Variants in EPHB1 observed in about 807,000 individuals in gnomAD.
EPHB1 encodes ephrin type-B receptor 1.
In EPHB1, 30 loss-of-function variants were observed where a neutral mutation model predicts 94.4. That is an observed-to-expected ratio of 0.32 (90% CI 0.24 to 0.43). The LOEUF is 0.43. EPHB1 is among the 20% of genes least tolerant of loss of function. EPHB1 has a pLI of 1.00. For synonymous variants in EPHB1, 522 were observed against 489.1 expected, an observed-to-expected ratio of 1.07 and a Z score of -0.89; for missense variants, 1,055 against 1,308.3, an observed-to-expected ratio of 0.81 and a Z score of 2.99.
At chr3:134,870,133 T>G (rs532195864) in intron 1 of EPHB1, among the ~76,000 whole-genome samples, 28 of 152,262 alleles carry the variant, frequency 1.8e-4, no homozygotes, top group Admixed American at 5.9e-4. Context: ...TTGCAGTGGT[T>G]GTTGAGAGAG....
At chr3:134,976,654 A>C (rs1934204078) in intron 3 of EPHB1, among the ~76,000 whole-genome samples, 1 of 152,096 alleles carries the variant, frequency 6.6e-6, no homozygotes, top group South Asian at 2.1e-4. Flanking sequence ...CATGGCCCAA[A>C]CATTTCTTCT....
chr3:135,040,028 A>G (rs1936784516), intron 3 of EPHB1, among the ~76,000 whole-genome samples: 1 of 152,232 alleles, frequency 6.6e-6, no homozygotes, highest in Non-Finnish European at 1.5e-5. Flanking sequence ...AGTCCCTGCC[A>G]CATGGAGCAG....
At chr3:135,162,290 A>C in intron 7 of EPHB1, 110 bp downstream of exon 7, 2 of 1,250,186 alleles carry the variant, frequency 1.6e-6, no homozygotes, top group Non-Finnish European at 2.2e-6. Context: ...ACTGGATTCC[A>C]GTGGAATTCC....
intron 2 of EPHB1, among the ~76,000 whole-genome samples, chr3:134,931,888 A>G (rs1050614355): frequency 2.0e-5 from 3 of 152,140 alleles, no homozygotes; most frequent in African/African-American, 7.2e-5. Context: ...ATATGCATAC[A>G]TGTACATATG....
chr3:134,818,977 C>G (rs1346711867), intron 1 of EPHB1, among the ~76,000 whole-genome samples: 1 of 152,150 alleles, frequency 6.6e-6, no homozygotes, highest in Non-Finnish European at 1.5e-5. Flanking sequence ...GGCAGCCTGG[C>G]TGGAAACAGG....
intron 4 of EPHB1, among the ~76,000 whole-genome samples, chr3:135,113,632 G>C (rs866060155): frequency 1.4e-4 from 22 of 152,286 alleles, no homozygotes; most frequent in Middle Eastern, 3.4e-3. Flanking sequence ...ACCCATCGCT[G>C]GGGGAGAGGC....
intron 9 of EPHB1, among the ~76,000 whole-genome samples, chr3:135,178,633 A>T (rs899865217): frequency 1.3e-5 from 2 of 152,036 alleles, no homozygotes; most frequent in African/African-American, 4.8e-5. Flanking sequence ...TCAAAACTAG[A>T]GCTGGGGGTC....
intron 3 of EPHB1, among the ~76,000 whole-genome samples, chr3:134,999,720 A>G (rs1350562983): frequency 1.3e-5 from 2 of 152,136 alleles, no homozygotes; most frequent in African/African-American, 4.8e-5. Flanking sequence ...CCAGGCTAGG[A>G]GCAGAAGAAG....
chr3:134,908,959 A>G (rs962983753), intron 1 of EPHB1, among the ~76,000 whole-genome samples: 1 of 151,828 alleles, frequency 6.6e-6, no homozygotes, highest in Non-Finnish European at 1.5e-5. Flanking sequence ...CTCCTCAGAC[A>G]GTTGTTGTGG....
intron 1 of EPHB1, among the ~76,000 whole-genome samples, chr3:134,898,413 A>G (rs1031731300): frequency 3.3e-5 from 5 of 152,120 alleles, no homozygotes; most frequent in African/African-American, 1.2e-4. Context: ...CATCTAAAGG[A>G]GGAGAGCCTG....
intron 3 of EPHB1, among the ~76,000 whole-genome samples, chr3:135,039,578 G>A (rs913331651): frequency 6.6e-6 from 1 of 152,252 alleles, no homozygotes; most frequent in Non-Finnish European, 1.5e-5. Flanking sequence ...TGCCCCGCGG[G>A]AAGGCAGCTA....
chr3:135,168,748 G>A (rs1414620941), intron 9 of EPHB1, among the ~76,000 whole-genome samples: 3 of 152,254 alleles, frequency 2.0e-5, no homozygotes, highest in Non-Finnish European at 4.4e-5. Flanking sequence ...GCCACTGTAA[G>A]GTCCATTTCA....
chr3:134,999,681 A>T (rs1037344437), intron 3 of EPHB1, among the ~76,000 whole-genome samples: 5 of 152,154 alleles, frequency 3.3e-5, no homozygotes, highest in Non-Finnish European at 7.4e-5. Flanking sequence ...AAAAAGAAGG[A>T]TGAGAGGATT....
intron 4 of EPHB1, among the ~76,000 whole-genome samples, chr3:135,108,242 G>A (rs981881784): frequency 1.3e-5 from 2 of 152,150 alleles, no homozygotes; most frequent in Non-Finnish European, 2.9e-5. Flanking sequence ...GTATTGGAAA[G>A]TTTATAAAGA....
chr3:134,880,312 A>G (rs964484734), intron 1 of EPHB1, among the ~76,000 whole-genome samples: 1 of 152,174 alleles, frequency 6.6e-6, no homozygotes, highest in African/African-American at 2.4e-5. Flanking sequence ...ACACTTCATA[A>G]CACCTTAGGA....
chr3:135,250,775 A>G (rs2107732497), intron 15 of EPHB1, among the ~76,000 whole-genome samples: 1 of 152,278 alleles, frequency 6.6e-6, no homozygotes, highest in African/African-American at 2.4e-5. Context: ...CCGATAGCAC[A>G]TATTGTGGGA....
At chr3:135,101,914 G>A (rs1177086581) in intron 3 of EPHB1, among the ~76,000 whole-genome samples, 3 of 152,192 alleles carry the variant, frequency 2.0e-5, no homozygotes, top group African/African-American at 7.2e-5. Context: ...TGTATCAGAA[G>A]CAGCATTCCA....
chr3:135,137,291 G>C (rs927193669), intron 5 of EPHB1, among the ~76,000 whole-genome samples: 1 of 152,184 alleles, frequency 6.6e-6, no homozygotes, highest in African/African-American at 2.4e-5. Context: ...CCATTGTTCA[G>C]CTCCAGCAAG....
intron 3 of EPHB1, among the ~76,000 whole-genome samples, chr3:134,996,235 C>A (rs253877): frequency 0.35 from 53,188 of 151,784 alleles, 10,015 homozygotes; most frequent in Middle Eastern, 0.5. Context: ...ACTCTGCCAC[C>A]CAGGTGGGAG....
Sources: allele counts gnomAD v4.1 joint callset (sites outside exome capture counted in the v4.1 genomes callset), GRCh38; gene constraint gnomAD v4.1.1; transcripts MANE v1.5; gene names NCBI Gene and HGNC (gene_info 2026-07-23, HGNC 2026-07-21).